The following SOX5 variants were observed in gnomAD, a reference collection of about 807,000 sequenced individuals.
SOX5 encodes transcription factor SOX-5.
A neutral mutation model predicts 92.0 loss-of-function variants in SOX5; 9 were observed. The observed-to-expected ratio is 0.10, with a 90% CI of 0.06 to 0.17. SOX5 has a LOEUF of 0.17. SOX5 is among the 10% of genes least tolerant of loss of function. The probability of loss-of-function intolerance (pLI) is 1.00; values close to 1 mark genes in which losing one functional copy is unlikely to be tolerated. For synonymous variants in SOX5, 344 were observed against 336.3 expected, an observed-to-expected ratio of 1.02 and a Z score of -0.25; for missense variants, 642 against 944.5, an observed-to-expected ratio of 0.68 and a Z score of 4.20.
chr12:23,827,591 A>G (rs1003376951), intron 3 of SOX5, among the ~76,000 whole-genome samples: 1 of 152,224 alleles, frequency 6.6e-6, no homozygotes, highest in Non-Finnish European at 1.5e-5. Context: ...GTTAATAAAT[A>G]ACCAGCAGCA....
intron 4 of SOX5, among the ~76,000 whole-genome samples, chr12:23,993,904 T>TATGCATGTATGC (rs1325818877): frequency 9.4e-5 from 14 of 149,396 alleles, no homozygotes; most frequent in African/African-American, 3.5e-4. Context: ...TGTATGTATG[T>TATGCATGTATGC]ATGTATGTAT....
chr12:24,082,036 A>T (rs1943402026), intron 4 of SOX5, among the ~76,000 whole-genome samples: 1 of 151,894 alleles, frequency 6.6e-6, no homozygotes, highest in African/African-American at 2.4e-5. Flanking sequence ...TTTGTATTTA[A>T]TTTTGTTGTT....
chr12:23,622,804 G>T (rs2077339757), intron 8 of SOX5, among the ~76,000 whole-genome samples: 2 of 152,112 alleles, frequency 1.3e-5, no homozygotes, highest in Admixed American at 6.5e-5. Context: ...GAAAATCAGA[G>T]ATATGGTATT....
At chr12:24,303,436 A>G (rs1948219416) in intron 2 of SOX5, among the ~76,000 whole-genome samples, 3 of 152,188 alleles carry the variant, frequency 2.0e-5, no homozygotes, top group South Asian at 4.1e-4. Flanking sequence ...CCTTGATGAG[A>G]GCAGAAACCT....
intron 1 of SOX5, among the ~76,000 whole-genome samples, chr12:24,484,490 A>G (rs558805530): frequency 2.6e-5 from 4 of 152,324 alleles, no homozygotes; most frequent in African/African-American, 9.6e-5. Flanking sequence ...CTAGGAAACA[A>G]TAAATCACAG....
At chr12:24,046,079 A>C (rs1956990028) in intron 4 of SOX5, among the ~76,000 whole-genome samples, 1 of 152,144 alleles carries the variant, frequency 6.6e-6, no homozygotes, top group Non-Finnish European at 1.5e-5. Flanking sequence ...GATTTATTTT[A>C]TCTGGCTTGA....
chr12:23,940,275 G>A (rs139634187), intron 1 of SOX5, among the ~76,000 whole-genome samples: 15 of 151,134 alleles, frequency 9.9e-5, no homozygotes, highest in Admixed American at 5.3e-4. Context: ...GAGCAAAGTT[G>A]GGCACCTAAT....
intron 1 of SOX5, among the ~76,000 whole-genome samples, chr12:24,421,962 T>C (rs901621730): frequency 3.9e-5 from 6 of 152,246 alleles, no homozygotes; most frequent in Non-Finnish European, 5.9e-5. Flanking sequence ...TTCAGCAATG[T>C]CTGTCATTAT....
rs149005122 is a variant in SOX5 at position 23,827,029 on chromosome 12, T to C, written c.481+18954A>G. Among the ~76,000 whole-genome samples the C allele has an allele frequency of 3.9e-3, 588 of 152,292 alleles. 8 individuals are homozygous for C. The highest frequency in any genetic ancestry group is 0.013 in the African/African-American group (552 of 41,558). On this transcript the variant is annotated intron_variant, in intron 3 of 14. Transcript: ENST00000451604. The stretch of plus-strand genomic sequence containing the variant: ...ACTGATCTCTTCAGTAATTATACCA[T>C]GCAATGAGCTCTACGTTGATATTAT...
At chr12:24,407,217 C>T (rs1190932760) in intron 1 of SOX5, among the ~76,000 whole-genome samples, 2 of 152,040 alleles carry the variant, frequency 1.3e-5, no homozygotes, top group East Asian at 1.9e-4. Flanking sequence ...AGAAGATCCT[C>T]GAAGATAGAT....
At chr12:24,364,511 CATATATATATATATATAT>C (rs58135899) in intron 2 of SOX5, among the ~76,000 whole-genome samples, 14 of 110,524 alleles carry the variant, frequency 1.3e-4, no homozygotes, top group South Asian at 5.9e-4. Context: ...AACATTTTTT[CATATATATATATATATAT>C]ATATATATAT....
rs1371327668 is a variant in SOX5, at chr12:24,472,091, GAT to G, written c.-251+90236_-251+90237del. Among the ~76,000 whole-genome samples, 6 of 152,202 alleles carry G rather than the reference GAT, an allele frequency of 3.9e-5. No homozygotes were observed. In the East Asian group the frequency reaches 1.2e-3, roughly 29 times the overall value. ...ACAACCATTTTGTTTAAAATAAACA[GAT>G]ATGAGTCTAATTGCCTTTTTTACAT... On this transcript the variant is annotated intron_variant, in intron 1 of 4. Coordinates refer to the SOX5 transcript ENST00000446891.
chr12:24,133,673 G>C (rs545931214), intron 4 of SOX5, among the ~76,000 whole-genome samples: 92 of 152,220 alleles, frequency 6.0e-4, no homozygotes, highest in African/African-American at 2.1e-3. Flanking sequence ...CTGTTTCTAT[G>C]TGACCTTCAC....
intron 2 of SOX5, among the ~76,000 whole-genome samples, chr12:24,317,730 G>A (rs568053831): frequency 3.9e-5 from 6 of 152,152 alleles, no homozygotes; most frequent in South Asian, 2.1e-4. Flanking sequence ...TTACACCTTC[G>A]TTTCCCTTCC....
intron 3 of SOX5, among the ~76,000 whole-genome samples, chr12:24,245,372 A>G (rs947120490): frequency 0.057 from 5 of 88 alleles, no homozygotes; most frequent in African/African-American, 0.12. Flanking sequence ...AAATTAATGA[A>G]TAAAACTAAA....
At chr12:24,495,291 T>C (rs74070905) in intron 1 of SOX5, among the ~76,000 whole-genome samples, 2 of 152,204 alleles carry the variant, frequency 1.3e-5, no homozygotes, top group Non-Finnish European at 2.9e-5. Context: ...TCCAGTGTGT[T>C]AGAAACTTAA....
chr12:23,603,571 C>T (rs1222974532), intron 9 of SOX5, among the ~76,000 whole-genome samples: 9 of 150,600 alleles, frequency 6.0e-5, no homozygotes, highest in East Asian at 1.9e-4. Context: ...TACTGCTTTA[C>T]GATCACTCTT....
intron 4 of SOX5, chr12:24,212,431 T>C (rs1389720381): frequency 1.9e-6 from 1 of 534,046 alleles, no homozygotes; most frequent in East Asian, 5.4e-5. Flanking sequence ...GTAGTTGTTC[T>C]ACAGAAGACC....
At chr12:23,914,903 T>C (rs2097396626) in intron 1 of SOX5, among the ~76,000 whole-genome samples, 1 of 152,172 alleles carries the variant, frequency 6.6e-6, no homozygotes. Context: ...AAAGTGAGTT[T>C]ACTATTGGAT....
Sources: allele counts gnomAD v4.1 joint callset (sites outside exome capture counted in the v4.1 genomes callset), GRCh38; gene constraint gnomAD v4.1.1; transcripts MANE v1.5; gene names NCBI Gene and HGNC (gene_info 2026-07-23, HGNC 2026-07-21).